The following RPF2 variants were observed in gnomAD, a reference collection of about 807,000 sequenced individuals.
RPF2 encodes the protein ribosome production factor 2 homolog.
RPF2 carries 21 observed loss-of-function variants against 38.9 expected under a neutral mutation model. The observed-to-expected ratio is 0.54, with a 90% CI of 0.38 to 0.78. The LOEUF is 0.78. Ranked by LOEUF, RPF2 falls within the 30% of genes least tolerant of loss-of-function variation. The pLI is 0.00. For missense variants in RPF2, 314 were observed against 358.1 expected (o/e 0.88, Z 0.99); for synonymous variants, 121 against 126.2 (o/e 0.96, Z 0.28).
At position 110,982,090 on chromosome 6, in the gene RPF2, T is replaced by C; in HGVS notation, c.-17T>C. 1.2e-6 allele frequency: 2 copies of C among 1,614,192 alleles called. No individual in the cohort carries two copies. Among genetic ancestry groups the C allele is most frequent in the Non-Finnish European group, 8.5e-7 (1 of 1,180,002 alleles). On this transcript the variant is annotated 5_prime_UTR_variant, in exon 1 of 10. Coordinates refer to ENST00000441448, the MANE Select transcript of RPF2 (RefSeq NM_032194.3). ...ACGTGCATGCCCCCTGGTTAAGAGTTGCAGGTAGCGGTAGCGATGGACACT... is the reference window on the plus strand; with the variant it reads ...ACGTGCATGCCCCCTGGTTAAGAGTCGCAGGTAGCGGTAGCGATGGACACT...
chr6:110,993,232 G>A (rs28414216), intron 4 of RPF2, among the ~76,000 whole-genome samples: 13,781 of 151,990 alleles, frequency 0.091, 698 homozygotes, highest in Middle Eastern at 0.13. Flanking sequence ...GGTGTAAGCC[G>A]TCACACCCAA....
At chr6:110,982,259 C>T (rs554025775) in intron 1 of RPF2, 130 bp downstream of exon 1, 2 of 1,040,868 alleles carry the variant, frequency 1.9e-6, no homozygotes, top group Non-Finnish European at 2.9e-6. Flanking sequence ...CGATCGATCA[C>T]CAGCCCGGGT....
intron 1 of RPF2, among the ~76,000 whole-genome samples, chr6:110,983,246 G>A (rs144881880): frequency 6.6e-6 from 1 of 152,152 alleles, no homozygotes; most frequent in African/African-American, 2.4e-5. Context: ...GTAAAAACAT[G>A]CCACTCCTAC....
chr6:110,999,865 T>G, intron 6 of RPF2, 78 bp downstream of exon 6: 3 of 767,944 alleles, frequency 3.9e-6, no homozygotes, highest in Non-Finnish European at 6.8e-6. Context: ...TGAAGAGTAC[T>G]GATAGAGTTT....
chr6:110,999,257 A>C (rs957939900), intron 5 of RPF2, among the ~76,000 whole-genome samples: 5 of 152,144 alleles, frequency 3.3e-5, no homozygotes, highest in African/African-American at 1.2e-4. Context: ...TTGGGGGGGA[A>C]AATTATCCTA....
chr6:110,984,092 T>G (rs1771481673), intron 1 of RPF2, among the ~76,000 whole-genome samples: 1 of 152,132 alleles, frequency 6.6e-6, no homozygotes, highest in African/African-American at 2.4e-5. Context: ...AGATTAAGCC[T>G]TAATAGAGTG....
chr6:111,004,398 A>G (rs79492383), intron 6 of RPF2, among the ~76,000 whole-genome samples: 19,542 of 151,088 alleles, frequency 0.13, 1,730 homozygotes, highest in East Asian at 0.49. Context: ...TGGCCAGGCT[A>G]GTCTCAAACT....
chr6:110,999,399 T>C (rs1383751470), intron 5 of RPF2, among the ~76,000 whole-genome samples: 1 of 152,196 alleles, frequency 6.6e-6, no homozygotes, highest in African/African-American at 2.4e-5. Context: ...AAAGAACCTT[T>C]ACCTCAGTGT....
chr6:111,016,143 C>T (rs1223868804), intron 8 of RPF2, among the ~76,000 whole-genome samples: 1 of 152,190 alleles, frequency 6.6e-6, no homozygotes. Context: ...GTTGGATTTA[C>T]AGCACTAAGC....
chr6:110,993,769 A>G (rs1202479090), intron 4 of RPF2, among the ~76,000 whole-genome samples: 1 of 152,150 alleles, frequency 6.6e-6, no homozygotes, highest in African/African-American at 2.4e-5. Flanking sequence ...TGAATCCCAG[A>G]CCTACGGAGC....
Position 111,025,489 on chromosome 6 carries a change from A to G in RPF2, c.828A>G (p.Leu276=). Residue 276 remains leucine, a synonymous_variant, in exon 10 of 10, where the codon CTA becomes CTG. Transcript: ENST00000441448. The stretch of plus-strand genomic sequence containing the variant: ...TGCAGAAGCAAGACCTAAGCAAACT[A>G]CAAACCAGGAAAATGAAGGGGTTGA... ...IHMQKQDLSK[L]QTRKMKGLKK... 6.2e-7 allele frequency: 1 copy of G among 1,613,812 alleles called. No homozygotes were observed. Among genetic ancestry groups the G allele is most frequent in the South Asian group, 1.1e-5 (1 of 91,042 alleles).
intron 8 of RPF2, among the ~76,000 whole-genome samples, chr6:111,020,634 G>A (rs1772215509): frequency 6.6e-6 from 1 of 152,296 alleles, no homozygotes; most frequent in Non-Finnish European, 1.5e-5. Context: ...GCCAAGATGG[G>A]TGGATCACCT....
At chr6:110,982,968 A>T (rs1437619546) in intron 1 of RPF2, among the ~76,000 whole-genome samples, 1 of 152,238 alleles carries the variant, frequency 6.6e-6, no homozygotes, top group Non-Finnish European at 1.5e-5. Flanking sequence ...CAAAAGATAG[A>T]ATAATTTGTA....
chr6:111,017,283 C>G (rs755433326), intron 8 of RPF2, among the ~76,000 whole-genome samples: 9 of 151,326 alleles, frequency 5.9e-5, no homozygotes, highest in African/African-American at 1.9e-4. Context: ...CCCAACCTCC[C>G]GGACGGGGCG....
intron 8 of RPF2, among the ~76,000 whole-genome samples, chr6:111,020,684 A>G (rs1445977539): frequency 6.6e-6 from 1 of 151,906 alleles, no homozygotes; most frequent in Non-Finnish European, 1.5e-5. Context: ...AACATGGTGA[A>G]ACCCCGTCTC....
intron 7 of RPF2, among the ~76,000 whole-genome samples, chr6:111,012,580 C>T (rs1332192854): frequency 2.0e-5 from 3 of 152,120 alleles, no homozygotes; most frequent in Admixed American, 1.3e-4. Context: ...GAGGCCTGGA[C>T]AGGTGAGTAG....
intron 7 of RPF2, among the ~76,000 whole-genome samples, chr6:111,012,510 A>G (rs915920828): frequency 6.6e-6 from 1 of 152,086 alleles, no homozygotes; most frequent in Non-Finnish European, 1.5e-5. Context: ...ATGGTTGTTT[A>G]AAAAAATTTG....
At chr6:111,015,695 G>A (rs1772095462) in intron 7 of RPF2, 59 bp from the exon 8 acceptor site, 2 of 1,185,754 alleles carry the variant, frequency 1.7e-6, no homozygotes, top group South Asian at 1.2e-5. Flanking sequence ...GCAGTTCTTT[G>A]TAACTGAATT....
chr6:110,995,776 A>G (rs563082423), intron 4 of RPF2, among the ~76,000 whole-genome samples: 2 of 152,230 alleles, frequency 1.3e-5, no homozygotes, highest in South Asian at 4.2e-4. Flanking sequence ...TCTGTAATGG[A>G]AGTCTGTACT....
Sources: gnomAD v4.1 joint callset for allele counts (sites outside exome capture counted in the v4.1 genomes callset) on GRCh38, gnomAD v4.1.1 for gene constraint, MANE v1.5 for transcripts, NCBI Gene and HGNC (gene_info 2026-07-23, HGNC 2026-07-21) for gene names.